TENM1: variants seen among roughly 807,000 people sequenced by gnomAD.
TENM1 encodes the protein teneurin transmembrane protein 1.
A neutral mutation model predicts 174.8 loss-of-function variants in TENM1; 35 were observed. The observed-to-expected ratio is 0.20, with a 90% CI of 0.15 to 0.27. The LOEUF (loss-of-function observed/expected upper bound fraction) is 0.27, where lower values mean the gene tolerates loss of function less well. TENM1 is among the 10% of genes least tolerant of loss of function. The probability of loss-of-function intolerance (pLI) is 1.00; values close to 1 mark genes in which losing one functional copy is unlikely to be tolerated. For missense variants in TENM1, 1,633 were observed against 2,130.1 expected, an observed-to-expected ratio of 0.77 and a Z score of 4.59; for synonymous variants, 781 against 798.7, an observed-to-expected ratio of 0.98 and a Z score of 0.37.
chrX:124,482,243 C>A (rs754474081), intron 21 of TENM1, among the ~76,000 whole-genome samples: 9 of 110,572 alleles, frequency 8.1e-5, no homozygotes, highest in African/African-American at 3.0e-4. Flanking sequence ...CTCAGGAGGT[C>A]ATTTTTCTCT....
chrX:124,418,204 G>T (rs774007261), intron 25 of TENM1, among the ~76,000 whole-genome samples: 20 of 112,168 alleles, frequency 1.8e-4, no homozygotes, highest in Non-Finnish European at 3.0e-4. Context: ...AGTAGTTCTG[G>T]TTACTTAATT....
intron 11 of TENM1, among the ~76,000 whole-genome samples, chrX:124,588,052 G>A (rs2049597060): frequency 8.9e-6 from 1 of 111,998 alleles, no homozygotes; most frequent in Admixed American, 9.5e-5. Flanking sequence ...CGGTGTTGGA[G>A]AGGATGTGGA....
chrX:124,877,968 A>T (rs2057237046), intron 3 of TENM1, among the ~76,000 whole-genome samples: 1 of 111,953 alleles, frequency 8.9e-6, no homozygotes, highest in Non-Finnish European at 1.9e-5. Flanking sequence ...CTATTAATTA[A>T]GTGGAAGTGA....
chrX:125,137,833 T>C, the TENM1 span, among the ~76,000 whole-genome samples: 1 of 111,333 alleles, frequency 9.0e-6, no homozygotes, highest in African/African-American at 3.3e-5. Flanking sequence ...ACACCTTCCA[T>C]ATATTACTTG....
At chrX:124,510,775 T>TACACACATACACACAC (rs2047562891) in intron 18 of TENM1, among the ~76,000 whole-genome samples, 1 of 103,543 alleles carries the variant, frequency 9.7e-6, no homozygotes, top group Non-Finnish European at 2.0e-5. Context: ...CATGGGGAGA[T>TACACACATACACACAC]ACACACACAC....
At chrX:125,018,539 A>G in the TENM1 span, among the ~76,000 whole-genome samples, 1 of 111,461 alleles carries the variant, frequency 9.0e-6, no homozygotes. Flanking sequence ...TGAGTAACTT[A>G]AAAATTAATT....
chrX:124,767,472 C>G (rs2054560989), intron 3 of TENM1, among the ~76,000 whole-genome samples: 1 of 111,218 alleles, frequency 9.0e-6, no homozygotes, highest in Non-Finnish European at 1.9e-5. Flanking sequence ...TAATATTTAC[C>G]TTGAATTTAC....
At chrX:125,176,812 C>A in the TENM1 span, among the ~76,000 whole-genome samples, 1 of 111,567 alleles carries the variant, frequency 9.0e-6, no homozygotes, top group Non-Finnish European at 1.9e-5. Flanking sequence ...CTTCTCCCTC[C>A]GCCTTTTCAA....
intron 3 of TENM1, among the ~76,000 whole-genome samples, chrX:124,742,934 A>C (rs2053834569): frequency 9.0e-6 from 1 of 111,154 alleles, no homozygotes; most frequent in Non-Finnish European, 1.9e-5. Flanking sequence ...CTCCCCTTCT[A>C]GGCAGGAGTA....
chrX:124,827,019 T>C (rs1011037057), intron 3 of TENM1, among the ~76,000 whole-genome samples: 26 of 112,119 alleles, frequency 2.3e-4, no homozygotes, highest in African/African-American at 8.4e-4. Flanking sequence ...AAGATGAACT[T>C]GCTAAAACTT....
chrX:124,582,959 A>C (rs1349832131), intron 11 of TENM1, among the ~76,000 whole-genome samples: 1 of 112,330 alleles, frequency 8.9e-6, no homozygotes, highest in African/African-American at 3.2e-5. Context: ...ATCAAATTGC[A>C]AGACTGCAGC....
chrX:125,050,495 C>T, the TENM1 span, among the ~76,000 whole-genome samples: 1 of 111,359 alleles, frequency 9.0e-6, no homozygotes, highest in African/African-American at 3.3e-5. Context: ...ATGAACTCAT[C>T]CTGTTTTATG....
At chrX:124,493,459 G>A (rs1217735023) in intron 20 of TENM1, among the ~76,000 whole-genome samples, 1 of 111,134 alleles carries the variant, frequency 9.0e-6, no homozygotes, top group Non-Finnish European at 1.9e-5. Context: ...TTTCCTTTGA[G>A]GAGTTAGCTA....
intron 4 of TENM1, among the ~76,000 whole-genome samples, chrX:124,716,695 G>C (rs774595216): frequency 1.1e-3 from 119 of 112,044 alleles, no homozygotes; most frequent in African/African-American, 3.5e-3. Context: ...GCCCCAAGGA[G>C]AAGCAACTTC....
rs1232062005 is a variant in TENM1 at position 124,584,750 on chromosome X, A to G, written c.2078-19190T>C. 2.7e-5 allele frequency among the ~76,000 whole-genome samples: 3 copies of G among 111,712 alleles called. No homozygotes were observed. The Admixed American group carries it at 2.8e-4, about 11-fold the overall frequency. On this transcript the variant is annotated intron_variant, in intron 11 of 31. Transcript: ENST00000422452. ...AAAGACACAGACTGGCAAATTGGAT[A>G]AAGAGTCAAGATCCATCGGTGTGCT...
At chrX:125,186,942 C>A in the TENM1 span, among the ~76,000 whole-genome samples, 2 of 112,088 alleles carry the variant, frequency 1.8e-5, no homozygotes, top group Non-Finnish European at 3.8e-5. Flanking sequence ...TATGAAGTCA[C>A]CTGGATTTTT....
exon 19 of TENM1, chrX:124,503,651 T>C: frequency 8.3e-7 from 1 of 1,208,742 alleles, no homozygotes; most frequent in Middle Eastern, 2.3e-4. Flanking sequence ...CGACTGTCCT[T>C]TGCTCCCAGA....
chrX:124,901,501 G>T (rs1293835793), intron 1 of TENM1, among the ~76,000 whole-genome samples: 3 of 111,067 alleles, frequency 2.7e-5, no homozygotes, highest in Non-Finnish European at 5.7e-5. Context: ...TTGAGACAGG[G>T]TTTCACTCTG....
chrX:124,752,475 G>C (rs1332663189), intron 3 of TENM1, among the ~76,000 whole-genome samples: 2 of 111,415 alleles, frequency 1.8e-5, no homozygotes, highest in South Asian at 3.8e-4. Context: ...TTCTTTTGCT[G>C]TGCAGAAGCT....
Sources: allele counts gnomAD v4.1 joint callset (sites outside exome capture counted in the v4.1 genomes callset), GRCh38; gene constraint gnomAD v4.1.1; transcripts MANE v1.5; gene names NCBI Gene and HGNC (gene_info 2026-07-23, HGNC 2026-07-21).